The following TMEM132D variants were observed in gnomAD, a reference collection of about 807,000 sequenced individuals.
The protein encoded by TMEM132D is mature OL transmembrane protein.
In TMEM132D, 21 loss-of-function variants were observed where a neutral mutation model predicts 62.3. That is an observed-to-expected ratio of 0.34 (90% confidence interval 0.24 to 0.49). The LOEUF (loss-of-function observed/expected upper bound fraction) is 0.49, where lower values mean the gene tolerates loss of function less well. Among genes scored for constraint, TMEM132D ranks in the 20% least tolerant of loss-of-function variants. TMEM132D has a pLI of 0.99. For missense variants in TMEM132D, 1,346 were observed against 1,402.8 expected (o/e 0.96, Z 0.65); for synonymous variants, 621 against 575.6 (o/e 1.08, Z -1.13).
intron 2 of TMEM132D, among the ~76,000 whole-genome samples, chr12:129,630,300 C>T (rs761416211): frequency 1.3e-5 from 2 of 152,078 alleles, no homozygotes; most frequent in Non-Finnish European, 2.9e-5. Flanking sequence ...GACTTCAAGG[C>T]AGCTGGACAT....
At chr12:129,847,929 C>T (rs1316389704) in intron 1 of TMEM132D, among the ~76,000 whole-genome samples, 1 of 152,054 alleles carries the variant, frequency 6.6e-6, no homozygotes, top group South Asian at 2.1e-4. Flanking sequence ...ACCACCTGCC[C>T]GCAGTAGTGT....
intron 1 of TMEM132D, among the ~76,000 whole-genome samples, chr12:129,732,597 C>G (rs1192962514): frequency 1.3e-5 from 2 of 152,170 alleles, no homozygotes; most frequent in African/African-American, 2.4e-5. Flanking sequence ...ACGTGAGATG[C>G]CTGCTCCCTC....
chr12:129,230,740 T>C (rs1020565489), intron 4 of TMEM132D, among the ~76,000 whole-genome samples: 3 of 152,214 alleles, frequency 2.0e-5, no homozygotes, highest in African/African-American at 7.2e-5. Flanking sequence ...CTCCACTGGG[T>C]GTCTCAGAGT....
chr12:129,851,442 T>C (rs1459615728), intron 1 of TMEM132D, among the ~76,000 whole-genome samples: 4 of 152,170 alleles, frequency 2.6e-5, no homozygotes, highest in African/African-American at 9.7e-5. Context: ...GTTGATTAAA[T>C]TGTACGCACG....
chr12:129,543,159 A>ATGGG lies in TMEM132D; in HGVS notation c.969-11958_969-11955dup, dbSNP rs1204354689. ...GATGGACAGCTGGACAGATGGATGA[A>ATGGG]TGGGTGGGTGGGTGGGTGGGTGGAT... On this transcript the variant is annotated intron_variant, in intron 2 of 8. Transcript: ENST00000422113. Among the ~76,000 whole-genome samples the ATGGG allele has an allele frequency of 2.1e-4, 13 of 63,026 alleles. No homozygotes were observed. In the East Asian group the frequency reaches 3.8e-3, roughly 18 times the overall value. 41.3% of individuals were successfully genotyped at this position (63,026 alleles called of 152,430 possible). A position where few individuals can be genotyped will look rare whatever the true frequency, so the allele number is the denominator to read the frequency against.
At chr12:129,776,525 T>G (rs1278185413) in intron 1 of TMEM132D, among the ~76,000 whole-genome samples, 1 of 151,990 alleles carries the variant, frequency 6.6e-6, no homozygotes, top group Non-Finnish European at 1.5e-5. Context: ...TGACTACTAG[T>G]AAAAAGGAAA....
intron 8 of TMEM132D, among the ~76,000 whole-genome samples, chr12:129,077,322 C>T (rs1053266300): frequency 5.9e-5 from 9 of 151,978 alleles, no homozygotes; most frequent in South Asian, 4.1e-4. Context: ...CCATATGGGC[C>T]GGAGGGATTC....
chr12:129,894,714 C>T (rs569079996), intron 1 of TMEM132D, among the ~76,000 whole-genome samples: 44 of 146,218 alleles, frequency 3.0e-4, no homozygotes, highest in South Asian at 2.4e-3. Flanking sequence ...CCACAGAGCT[C>T]GCACCTTCCT....
intron 1 of TMEM132D, among the ~76,000 whole-genome samples, chr12:129,764,151 C>T (rs969283949): frequency 9.8e-5 from 15 of 152,328 alleles, no homozygotes; most frequent in African/African-American, 2.6e-4. Flanking sequence ...AAGCCCATCA[C>T]TTGGTAACAA....
intron 3 of TMEM132D, among the ~76,000 whole-genome samples, chr12:129,487,806 A>G (rs1874630748): frequency 6.6e-6 from 1 of 151,762 alleles, no homozygotes; most frequent in South Asian, 2.1e-4. Flanking sequence ...GCATGGTGGC[A>G]GGCACCTGTA....
At chr12:129,078,441 T>C in intron 8 of TMEM132D, 93 bp downstream of exon 8, 2 of 1,311,456 alleles carry the variant, frequency 1.5e-6, no homozygotes, top group Non-Finnish European at 2.1e-6. Flanking sequence ...GATCCCACTC[T>C]ATTGTGCGAC....
chr12:129,341,013 C>G (rs1018541178), intron 3 of TMEM132D, among the ~76,000 whole-genome samples: 1 of 152,228 alleles, frequency 6.6e-6, no homozygotes, highest in Non-Finnish European at 1.5e-5. Context: ...AAATTCTGCA[C>G]ATGGTGATCT....
At chr12:129,900,398 A>G (rs1403738857) in intron 1 of TMEM132D, among the ~76,000 whole-genome samples, 2 of 152,220 alleles carry the variant, frequency 1.3e-5, no homozygotes, top group Non-Finnish European at 2.9e-5. Context: ...CCCACTGCCC[A>G]GGCCATTGGC....
chr12:129,127,885 C>A (rs1268740854), intron 5 of TMEM132D, among the ~76,000 whole-genome samples: 1 of 152,216 alleles, frequency 6.6e-6, no homozygotes, highest in African/African-American at 2.4e-5. Flanking sequence ...GCAGACGAGG[C>A]CGGCACTCAC....
intron 1 of TMEM132D, among the ~76,000 whole-genome samples, chr12:129,780,005 C>T (rs1871069449): frequency 6.6e-6 from 1 of 151,980 alleles, no homozygotes; most frequent in African/African-American, 2.4e-5. Context: ...AGAAGACTAA[C>T]TGCCCCAGGT....
At chr12:129,801,183 C>G (rs559187945) in intron 1 of TMEM132D, among the ~76,000 whole-genome samples, 198 of 152,308 alleles carry the variant, frequency 1.3e-3, no homozygotes, top group African/African-American at 4.7e-3. Flanking sequence ...AACAAAGCAG[C>G]CGGGAAGCTC....
At chr12:129,126,132 C>T (rs1339706013) in intron 5 of TMEM132D, among the ~76,000 whole-genome samples, 4 of 152,248 alleles carry the variant, frequency 2.6e-5, no homozygotes, top group African/African-American at 7.2e-5. Context: ...TTCAATGTGT[C>T]GCTTAAGGTA....
intron 4 of TMEM132D, among the ~76,000 whole-genome samples, chr12:129,241,447 G>A (rs539502015): frequency 1.3e-5 from 2 of 152,148 alleles, no homozygotes; most frequent in African/African-American, 2.4e-5. Flanking sequence ...TGGCCCCACC[G>A]ACCTGCTTTC....
chr12:129,715,430 A>T (rs1484717333), intron 1 of TMEM132D, among the ~76,000 whole-genome samples: 1 of 152,142 alleles, frequency 6.6e-6, no homozygotes, highest in South Asian at 2.1e-4. Flanking sequence ...AATGAAGGAA[A>T]AATCTGTGCT....
Sources: allele counts gnomAD v4.1 joint callset (sites outside exome capture counted in the v4.1 genomes callset), GRCh38; gene constraint gnomAD v4.1.1; transcripts MANE v1.5; gene names NCBI Gene and HGNC (gene_info 2026-07-23, HGNC 2026-07-21).